The following ENOX1 variants were observed in gnomAD, a reference collection of about 807,000 sequenced individuals.
ENOX1 encodes ecto-NOX disulfide-thiol exchanger 1, also known as candidate growth-related and time keeping constitutive hydroquinone (NADH) oxidase.
Under a neutral mutation model 82.5 loss-of-function variants are expected in ENOX1, and 42 were observed. That is an observed-to-expected ratio of 0.51 (90% CI 0.40 to 0.66). The LOEUF (loss-of-function observed/expected upper bound fraction) is 0.66, where lower values mean the gene tolerates loss of function less well. Ranked by LOEUF, ENOX1 falls within the 30% of genes least tolerant of loss-of-function variation. The pLI, the probability that ENOX1 is intolerant of heterozygous loss-of-function variation, is 0.00. For synonymous variants in ENOX1, 271 were observed against 282.2 expected (o/e 0.96, Z 0.40); for missense variants, 608 against 811.6 (o/e 0.75, Z 3.05).
intron 3 of ENOX1, among the ~76,000 whole-genome samples, chr13:43,460,817 AAAAAAAAAAAAAATAG>A (rs2057446410): frequency 3.0e-5 from 1 of 33,470 alleles, no homozygotes; most frequent in South Asian, 2.4e-3. Flanking sequence ...AAAAAAAAAA[AAAAAAAAAAAAAATAG>A]GGATAGCTCT....
chr13:43,625,625 G>C (rs1220019383), intron 2 of ENOX1, among the ~76,000 whole-genome samples: 1 of 151,850 alleles, frequency 6.6e-6, no homozygotes, highest in Non-Finnish European at 1.5e-5. Context: ...CCTCTAACCT[G>C]TTAATGTGGT....
At chr13:43,430,903 A>T (rs767908050) in intron 3 of ENOX1, among the ~76,000 whole-genome samples, 30 of 152,214 alleles carry the variant, frequency 2.0e-4, no homozygotes, top group African/African-American at 7.0e-4. Flanking sequence ...TTCAGTCATG[A>T]CCTGAAGCTG....
At chr13:43,764,058 C>T (rs1323829070) in intron 1 of ENOX1, among the ~76,000 whole-genome samples, 1 of 152,188 alleles carries the variant, frequency 6.6e-6, no homozygotes, top group African/African-American at 2.4e-5. Flanking sequence ...TTACCGCTGA[C>T]ATAAAACACC....
intron 1 of ENOX1, among the ~76,000 whole-genome samples, chr13:43,775,625 T>C (rs928890185): frequency 1.1e-4 from 17 of 152,222 alleles, no homozygotes; most frequent in Non-Finnish European, 2.5e-4. Flanking sequence ...GGGTGGTTGA[T>C]GTGCCCTTTT....
At chr13:43,622,056 T>C (rs566124236) in intron 2 of ENOX1, among the ~76,000 whole-genome samples, 66 of 152,280 alleles carry the variant, frequency 4.3e-4, no homozygotes, top group Non-Finnish European at 7.8e-4. Context: ...GCTGAGACTT[T>C]CCAGAGCAAA....
At position 43,782,760 on chromosome 13, in the gene ENOX1, T is replaced by C. The variant is rs79947786; in HGVS notation, c.-285+3892A>G. On this transcript the variant is annotated intron_variant, in intron 1 of 16. Transcript: ENST00000690772. Reference sequence around the variant, plus strand: ...TGTATTACACACAATATATATTTCCTAAGTTTAGAAGAAATGACTAATAAT... The same window carrying C: ...TGTATTACACACAATATATATTTCCCAAGTTTAGAAGAAATGACTAATAAT... Among the ~76,000 whole-genome samples, 6 of 152,352 alleles carry C rather than the reference T, an allele frequency of 3.9e-5. 1 individual carries two copies. The East Asian group carries it at 1.2e-3, about 29-fold the overall frequency.
chr13:43,563,155 A>AT (rs1256659945), intron 2 of ENOX1, among the ~76,000 whole-genome samples: 1 of 152,180 alleles, frequency 6.6e-6, no homozygotes, highest in Non-Finnish European at 1.5e-5. Context: ...AAGTCTGGAA[A>AT]TTTTTTAAAA....
intron 14 of ENOX1, among the ~76,000 whole-genome samples, chr13:43,252,725 G>C (rs1404760052): frequency 2.0e-5 from 3 of 152,138 alleles, no homozygotes; most frequent in African/African-American, 4.8e-5. Flanking sequence ...CATAGTCTTG[G>C]AGGTTTGATT....
chr13:43,443,733 A>C (rs1023072064), intron 3 of ENOX1, among the ~76,000 whole-genome samples: 1 of 152,174 alleles, frequency 6.6e-6, no homozygotes, highest in Non-Finnish European at 1.5e-5. Flanking sequence ...ATGTAGGGAG[A>C]GTGGAAGCTC....
intron 5 of ENOX1, among the ~76,000 whole-genome samples, chr13:43,405,969 C>T (rs1007584587): frequency 3.3e-5 from 5 of 152,298 alleles, no homozygotes; most frequent in Non-Finnish European, 5.9e-5. Flanking sequence ...CTGTTTCTCC[C>T]GCCACTCTAA....
At chr13:43,738,912 A>G (rs1255107571) in intron 1 of ENOX1, among the ~76,000 whole-genome samples, 1 of 152,058 alleles carries the variant, frequency 6.6e-6, no homozygotes, top group Non-Finnish European at 1.5e-5. Flanking sequence ...TTTTTTCTCA[A>G]TTAGCACCCA....
intron 2 of ENOX1, among the ~76,000 whole-genome samples, chr13:43,506,603 T>C (rs1483420210): frequency 7.4e-6 from 1 of 135,046 alleles, no homozygotes; most frequent in Non-Finnish European, 1.7e-5. Context: ...CCAACAACGA[T>C]AGACTGGATT....
chr13:43,539,113 A>G (rs1001807602), intron 2 of ENOX1, among the ~76,000 whole-genome samples: 17 of 152,184 alleles, frequency 1.1e-4, no homozygotes, highest in Admixed American at 3.3e-4. Flanking sequence ...ATGAACCACA[A>G]CACCTGGCTC....
intron 2 of ENOX1, among the ~76,000 whole-genome samples, chr13:43,595,124 G>A (rs2081405389): frequency 6.7e-6 from 1 of 149,294 alleles, no homozygotes; most frequent in Non-Finnish European, 1.5e-5. Context: ...GTGCCTTAGG[G>A]AGGGAAAGCG....
intron 2 of ENOX1, among the ~76,000 whole-genome samples, chr13:43,635,299 T>C (rs2083372233): frequency 6.6e-6 from 1 of 152,166 alleles, no homozygotes; most frequent in African/African-American, 2.4e-5. Flanking sequence ...AACCGGGATT[T>C]GGTGCCACCA....
chr13:43,641,432 C>T (rs992013053), intron 2 of ENOX1, among the ~76,000 whole-genome samples: 2 of 151,968 alleles, frequency 1.3e-5, no homozygotes, highest in Non-Finnish European at 2.9e-5. Context: ...TATGATCCTG[C>T]CCCCAAGGCC....
chr13:43,505,009 T>C (rs2077103210), intron 2 of ENOX1, among the ~76,000 whole-genome samples: 1 of 151,810 alleles, frequency 6.6e-6, no homozygotes, highest in Non-Finnish European at 1.5e-5. Context: ...AAAACCACTC[T>C]GACTTCAAAA....
chr13:43,730,977 C>G (rs963374004), intron 1 of ENOX1, among the ~76,000 whole-genome samples: 1 of 152,132 alleles, frequency 6.6e-6, no homozygotes, highest in Non-Finnish European at 1.5e-5. Context: ...CTCCCCAACT[C>G]TTTCTTCATG....
At chr13:43,642,618 A>G (rs2083703110) in intron 2 of ENOX1, among the ~76,000 whole-genome samples, 1 of 152,190 alleles carries the variant, frequency 6.6e-6, no homozygotes, top group Non-Finnish European at 1.5e-5. Context: ...GCTTCAACAG[A>G]ATCAAAGACC....
Sources: allele counts gnomAD v4.1 joint callset (sites outside exome capture counted in the v4.1 genomes callset), GRCh38; gene constraint gnomAD v4.1.1; transcripts MANE v1.5; gene names NCBI Gene and HGNC (gene_info 2026-07-23, HGNC 2026-07-21).